CELF4: variants seen among roughly 807,000 people sequenced by gnomAD.
The protein encoded by CELF4 is CUG-BP- and ETR-3-like factor 4.
A neutral mutation model predicts 59.9 loss-of-function variants in CELF4; 18 were observed. That is an observed-to-expected ratio of 0.30 (90% CI 0.21 to 0.45). CELF4 has a LOEUF of 0.45. Among genes scored for constraint, CELF4 ranks in the 20% least tolerant of loss-of-function variants. The pLI is 1.00. For missense variants in CELF4, 456 were observed against 689.0 expected (o/e 0.66, Z 3.79); for synonymous variants, 261 against 267.1 (o/e 0.98, Z 0.22).
intron 1 of CELF4, among the ~76,000 whole-genome samples, chr18:37,535,767 AGCCCT>A (rs2099973016): frequency 1.3e-5 from 2 of 152,178 alleles, no homozygotes; most frequent in South Asian, 4.1e-4. Context: ...TGCTCAGGTG[AGCCCT>A]GCCATCACAG....
chr18:37,381,239 C>T (rs943651093), intron 2 of CELF4, among the ~76,000 whole-genome samples: 3 of 152,196 alleles, frequency 2.0e-5, no homozygotes, highest in Non-Finnish European at 4.4e-5. Context: ...AAGGTCTAGT[C>T]GTAGACTGCA....
chr18:37,489,525 G>A (rs552942926), intron 1 of CELF4, among the ~76,000 whole-genome samples: 1 of 152,216 alleles, frequency 6.6e-6, no homozygotes, highest in East Asian at 1.9e-4. Flanking sequence ...AGAACAGCTG[G>A]CCTTGACTTC....
intron 3 of CELF4, among the ~76,000 whole-genome samples, chr18:37,315,132 C>A (rs747272117): frequency 2.2e-4 from 33 of 152,112 alleles, no homozygotes; most frequent in Non-Finnish European, 4.6e-4. Context: ...TCTGGATGGA[C>A]TCCCCAGTGC....
chr18:37,503,331 A>G (rs1419968240), intron 1 of CELF4, among the ~76,000 whole-genome samples: 1 of 152,150 alleles, frequency 6.6e-6, no homozygotes. Flanking sequence ...CATGAGGTTT[A>G]CCAAGGTTGA....
At chr18:37,527,608 C>T (rs1243317418) in intron 1 of CELF4, among the ~76,000 whole-genome samples, 1 of 152,164 alleles carries the variant, frequency 6.6e-6, no homozygotes, top group Non-Finnish European at 1.5e-5. Flanking sequence ...CCTGATGTTT[C>T]ACTTGGTTTC....
At chr18:37,463,619 C>G (rs749974189) in intron 2 of CELF4, among the ~76,000 whole-genome samples, 1 of 152,082 alleles carries the variant, frequency 6.6e-6, no homozygotes, top group Non-Finnish European at 1.5e-5. Flanking sequence ...CTGGACCCTA[C>G]GATGCCAGCC....
At chr18:37,391,798 C>T (rs1407146736) in intron 2 of CELF4, among the ~76,000 whole-genome samples, 1 of 152,182 alleles carries the variant, frequency 6.6e-6, no homozygotes, top group East Asian at 1.9e-4. Context: ...GGGGGAGATT[C>T]AGGACACAAG....
chr18:37,481,710 A>G (rs1007541115), intron 2 of CELF4, among the ~76,000 whole-genome samples: 1 of 152,030 alleles, frequency 6.6e-6, no homozygotes, highest in African/African-American at 2.4e-5. Context: ...CATCTGACTC[A>G]TTTTACTCCC....
intron 2 of CELF4, among the ~76,000 whole-genome samples, chr18:37,449,302 T>G (rs1416406704): frequency 6.6e-6 from 1 of 152,088 alleles, no homozygotes; most frequent in Admixed American, 6.6e-5. Context: ...TGAGAGTTAC[T>G]GGGCCAGTGT....
intron 2 of CELF4, among the ~76,000 whole-genome samples, chr18:37,471,979 A>C (rs942239992): frequency 2.6e-5 from 4 of 152,190 alleles, no homozygotes; most frequent in Non-Finnish European, 5.9e-5. Flanking sequence ...GAGGGTGTCC[A>C]GGGCATGACT....
Position 37,327,910 on chromosome 18 carries a change from A to G in CELF4, c.370-6029T>C, listed in dbSNP as rs544558165. ...CTCCTCATTGCACCCAAACCCTCCT[A>G]TTCCCCCAAAGTCTAGGTTTGAAGC... is the stretch of plus-strand genomic sequence containing the variant. On this transcript the variant is annotated intron_variant, in intron 2 of 12. Transcript: ENST00000420428. Among the ~76,000 whole-genome samples, 84 of 152,192 alleles carry G rather than the reference A, an allele frequency of 5.5e-4. No homozygotes were observed. In the Middle Eastern group the frequency reaches 0.017, roughly 31 times the overall value.
chr18:37,549,138 G>C lies in CELF4; in HGVS notation c.286+16218C>G, dbSNP rs146083828. On this transcript the variant is annotated intron_variant, in intron 1 of 12. Transcript: ENST00000420428. ...CTCCCAAACAGTCTACGCTGTTGTG[G>C]GTGCCCAAAGCCAGATTTATTAGCC... Among the ~76,000 whole-genome samples the C allele has an allele frequency of 9.7e-4, 147 of 152,290 alleles. 1 individual carries two copies. The highest frequency in any genetic ancestry group is 3.4e-3 in the African/African-American group (141 of 41,552).
Position 37,501,905 on chromosome 18 carries a change from T to C in CELF4, c.287-16298A>G, listed in dbSNP as rs948541. Among the ~76,000 whole-genome samples the C allele has an allele frequency of 3.3e-5, 5 of 151,912 alleles. No homozygotes were observed. The East Asian group carries it at 9.7e-4, about 29-fold the overall frequency. On this transcript the variant is annotated intron_variant, in intron 1 of 12. Transcript: ENST00000420428. ...CATTCCTCTCTTTCTCTCTCCATTT[T>C]CCCCCTTCTCTCACCAAGGTTCTCT...
At chr18:37,408,508 G>A (rs1569569000) in intron 2 of CELF4, among the ~76,000 whole-genome samples, 1 of 136,268 alleles carries the variant, frequency 7.3e-6, no homozygotes, top group East Asian at 2.2e-4. Context: ...GGGGCGCGGT[G>A]CAGGAGGATG....
intron 1 of CELF4, among the ~76,000 whole-genome samples, chr18:37,554,817 G>A (rs1486554806): frequency 6.6e-6 from 1 of 152,150 alleles, no homozygotes; most frequent in Non-Finnish European, 1.5e-5. Flanking sequence ...CCTGAGACAG[G>A]GTTCTTATAA....
chr18:37,410,859 A>G (rs964744886), intron 2 of CELF4, among the ~76,000 whole-genome samples: 4 of 152,166 alleles, frequency 2.6e-5, no homozygotes, highest in Admixed American at 6.5e-5. Context: ...AGTGGAAATG[A>G]ATGGTCCAGC....
At chr18:37,379,966 C>G (rs2154568910) in intron 2 of CELF4, among the ~76,000 whole-genome samples, 1 of 152,290 alleles carries the variant, frequency 6.6e-6, no homozygotes, top group Admixed American at 6.5e-5. Flanking sequence ...CCCTTCCACT[C>G]AGAGGGTGGA....
rs1278839267 is a variant in CELF4, at chr18:37,245,423, G to GT, written c.*45-227dup. 1.3e-5 allele frequency among the ~76,000 whole-genome samples: 2 copies of GT among 152,110 alleles called. No homozygotes were observed. The highest frequency in any genetic ancestry group is 6.5e-5 in the Admixed American group (1 of 15,282). On this transcript the variant is annotated intron_variant, in intron 12 of 12. Coordinates refer to ENST00000420428, the MANE Select transcript of CELF4 (RefSeq NM_020180.4). This position sits in a 1 kb window ranked among gnomAD's most constrained non-coding sequence, Gnocchi z 4.1. ...ACTGGGAGGTCTAGTGGTGATGGTT[G>GT]TAGCTGAGGTTTCGTTGTTGGGAGA...
intron 1 of CELF4, among the ~76,000 whole-genome samples, chr18:37,527,527 A>G (rs145656265): frequency 1.6e-4 from 25 of 152,190 alleles, no homozygotes; most frequent in Non-Finnish European, 3.1e-4. Context: ...AAAGAACTCT[A>G]CTTAGTGAAG....
Sources: allele counts gnomAD v4.1 joint callset (sites outside exome capture counted in the v4.1 genomes callset), GRCh38; gene constraint gnomAD v4.1.1; non-coding constraint Gnocchi (gnomAD v3.1); transcripts MANE v1.5; gene names NCBI Gene and HGNC (gene_info 2026-07-23, HGNC 2026-07-21).